ZNF407: variants seen among roughly 807,000 people sequenced by gnomAD.
ZNF407 encodes the protein zinc finger protein 407.
In ZNF407, 17 loss-of-function variants were observed where a neutral mutation model predicts 131.2. The observed-to-expected ratio is 0.13, with a 90% CI of 0.09 to 0.19. ZNF407 has a LOEUF of 0.19. Ranked by LOEUF, ZNF407 falls within the 10% of genes least tolerant of loss-of-function variation. The pLI is 1.00. For missense variants in ZNF407, 2,681 were observed against 2,830.6 expected (o/e 0.95, Z 1.20); for synonymous variants, 1,156 against 1,062.0 (o/e 1.09, Z -1.72).
At chr18:74,743,850 A>T (rs948637019) in intron 3 of ZNF407, among the ~76,000 whole-genome samples, 1 of 151,978 alleles carries the variant, frequency 6.6e-6, no homozygotes, top group African/African-American at 2.4e-5. Flanking sequence ...TGAAATTGTG[A>T]TGTGTTTTAG....
chr18:74,772,615 A>C (rs555644580), intron 3 of ZNF407, among the ~76,000 whole-genome samples: 9 of 152,124 alleles, frequency 5.9e-5, no homozygotes, highest in African/African-American at 2.2e-4. Context: ...CTTTTATTTC[A>C]TATTATTTTT....
At chr18:75,001,849 G>A (rs1972849069) in intron 8 of ZNF407, among the ~76,000 whole-genome samples, 1 of 152,226 alleles carries the variant, frequency 6.6e-6, no homozygotes, top group African/African-American at 2.4e-5. Context: ...TGTCCCCCGT[G>A]AATATTTGGC....
At chr18:74,691,273 C>G (rs551282445) in intron 3 of ZNF407, among the ~76,000 whole-genome samples, 2 of 151,648 alleles carry the variant, frequency 1.3e-5, no homozygotes, top group East Asian at 3.9e-4. Flanking sequence ...GAGCAAAACT[C>G]TGTCTCAAAA....
chr18:74,728,759 G>T (rs1437214213), intron 3 of ZNF407, among the ~76,000 whole-genome samples: 1 of 152,166 alleles, frequency 6.6e-6, no homozygotes, highest in Non-Finnish European at 1.5e-5. Flanking sequence ...TGGAGAGCGT[G>T]CTGTGTGGAA....
intron 3 of ZNF407, among the ~76,000 whole-genome samples, chr18:74,691,939 G>C (rs1157914715): frequency 6.6e-6 from 1 of 151,960 alleles, no homozygotes; most frequent in Non-Finnish European, 1.5e-5. Flanking sequence ...ATAAAAAATA[G>C]AAAAATTAGC....
chr18:74,842,604 G>A (rs1599190449), intron 4 of ZNF407, among the ~76,000 whole-genome samples: 1 of 1,610 alleles, frequency 6.2e-4, no homozygotes, highest in Non-Finnish European at 0.01. Context: ...CTAGTGATGT[G>A]TGTGTGTGTG....
At chr18:75,034,013 C>A (rs1973275961) in intron 8 of ZNF407, among the ~76,000 whole-genome samples, 1 of 152,106 alleles carries the variant, frequency 6.6e-6, no homozygotes, top group Non-Finnish European at 1.5e-5. Context: ...CTAGTCAAGT[C>A]GTATTTTCCA....
intron 8 of ZNF407, among the ~76,000 whole-genome samples, chr18:74,960,418 A>T (rs1972326722): frequency 6.7e-6 from 1 of 149,992 alleles, no homozygotes; most frequent in East Asian, 2.0e-4. Context: ...GGGTGGAGGG[A>T]TAGGAGAAGG....
chr18:74,985,514 T>C (rs189778494), intron 8 of ZNF407, among the ~76,000 whole-genome samples: 102 of 152,212 alleles, frequency 6.7e-4, no homozygotes, highest in African/African-American at 2.3e-3. Context: ...TAAATTAGTG[T>C]TATCCTTAGG....
chr18:75,007,427 C>T (rs372522793), intron 8 of ZNF407, among the ~76,000 whole-genome samples: 11 of 152,286 alleles, frequency 7.2e-5, no homozygotes, highest in East Asian at 3.9e-4. Flanking sequence ...GGCACCGCAG[C>T]GCCTTAGTCT....
At chr18:74,681,166 C>A (rs968248589) in intron 3 of ZNF407, among the ~76,000 whole-genome samples, 1 of 151,934 alleles carries the variant, frequency 6.6e-6, no homozygotes, top group Admixed American at 6.6e-5. Flanking sequence ...GCCAGAGGAA[C>A]CCCTAAGGTA....
intron 8 of ZNF407, among the ~76,000 whole-genome samples, chr18:75,033,562 C>T (rs1032468834): frequency 9.9e-5 from 15 of 152,110 alleles, no homozygotes; most frequent in South Asian, 8.3e-4. Context: ...ATGGAGGTGA[C>T]GGTGGAGAGG....
chr18:74,809,384 T>C (rs761213875), intron 4 of ZNF407, among the ~76,000 whole-genome samples: 1 of 152,262 alleles, frequency 6.6e-6, no homozygotes, highest in Non-Finnish European at 1.5e-5. Flanking sequence ...CTATGCCTAA[T>C]GTCATGCTTT....
intron 3 of ZNF407, among the ~76,000 whole-genome samples, chr18:74,737,199 A>T (rs1311352796): frequency 6.6e-6 from 1 of 152,104 alleles, no homozygotes; most frequent in African/African-American, 2.4e-5. Context: ...GGCATTTTTG[A>T]TTTATTTGTT....
At chr18:74,839,402 G>A (rs1405056438) in intron 4 of ZNF407, among the ~76,000 whole-genome samples, 2 of 152,152 alleles carry the variant, frequency 1.3e-5, no homozygotes, top group African/African-American at 4.8e-5. Context: ...TGAGCAGGTT[G>A]GAAATTCTTG....
intron 3 of ZNF407, among the ~76,000 whole-genome samples, chr18:74,691,529 T>C (rs1967223113): frequency 6.6e-6 from 1 of 152,002 alleles, no homozygotes; most frequent in South Asian, 2.1e-4. Flanking sequence ...GTCTTCTCTT[T>C]TTGTTCATTT....
chr18:74,625,220 T>G (rs1034999029), intron 1 of ZNF407, among the ~76,000 whole-genome samples: 1 of 152,262 alleles, frequency 6.6e-6, no homozygotes, highest in African/African-American at 2.4e-5. Flanking sequence ...TTAGAATTCT[T>G]GGAGCCATTA....
chr18:74,621,270 T>A (rs1983498213), intron 1 of ZNF407, among the ~76,000 whole-genome samples: 1 of 152,154 alleles, frequency 6.6e-6, no homozygotes, highest in Admixed American at 6.5e-5. Context: ...CTTTAGGAGT[T>A]ACCTATTGCT....
chr18:74,647,899 T>C (rs926682220), intron 3 of ZNF407, among the ~76,000 whole-genome samples: 3 of 152,144 alleles, frequency 2.0e-5, no homozygotes, highest in African/African-American at 7.2e-5. Context: ...AGGAGGGTTA[T>C]CTTTGAGTTG....
Sources: gnomAD v4.1 joint callset for allele counts (sites outside exome capture counted in the v4.1 genomes callset) on GRCh38, gnomAD v4.1.1 for gene constraint, MANE v1.5 for transcripts, NCBI Gene and HGNC (gene_info 2026-07-23, HGNC 2026-07-21) for gene names.